Variants in ATP6V0A4 observed in about 807,000 individuals in gnomAD.
ATP6V0A4 encodes the protein V-type proton ATPase 116 kDa subunit a 4.
Under a neutral mutation model 107.3 loss-of-function variants are expected in ATP6V0A4, and 86 were observed. The ratio of observed to expected loss-of-function variants is 0.80; its 90% CI spans 0.67 to 0.96. ATP6V0A4 has a LOEUF of 0.96. Among genes scored for constraint, ATP6V0A4 ranks in the 40% least tolerant of loss-of-function variants. The pLI is 0.00. For missense variants in ATP6V0A4, 908 were observed against 1,045.6 expected, an observed-to-expected ratio of 0.87 and a Z score of 1.81; for synonymous variants, 353 against 381.4, an observed-to-expected ratio of 0.93 and a Z score of 0.87.
chr7:138,759,905 C>T, intron 7 of ATP6V0A4, 27 bp from the exon 8 acceptor site: 2 of 1,613,886 alleles, frequency 1.2e-6, no homozygotes, highest in African/African-American at 1.3e-5. Context: ...GAAGACATTC[C>T]TTAAGGCACA....
chr7:138,742,244 T>C (rs963937078), intron 14 of ATP6V0A4, among the ~76,000 whole-genome samples: 1 of 152,050 alleles, frequency 6.6e-6, no homozygotes, highest in Non-Finnish European at 1.5e-5. Context: ...CTGGCCAACA[T>C]GGTGAAACCC....
chr7:138,781,917 A>G (rs1003759435), intron 2 of ATP6V0A4, among the ~76,000 whole-genome samples: 9 of 149,592 alleles, frequency 6.0e-5, no homozygotes, highest in African/African-American at 2.0e-4. Flanking sequence ...GCCTCAAGCA[A>G]TTCTCCCACC....
At chr7:138,732,806 A>AT in intron 17 of ATP6V0A4, 71 bp downstream of exon 17, 2 of 1,403,330 alleles carry the variant, frequency 1.4e-6, no homozygotes, top group Non-Finnish European at 1.9e-6. Flanking sequence ...AAAAAAAAAA[A>AT]GAGTAGGAGA....
At chr7:138,757,449 G>A (rs540844498) in intron 8 of ATP6V0A4, among the ~76,000 whole-genome samples, 50 of 152,222 alleles carry the variant, frequency 3.3e-4, no homozygotes, top group African/African-American at 9.6e-4. Context: ...CCAGGAAGTC[G>A]AGGCTGCAGT....
At chr7:138,742,230 C>A (rs1240793069) in intron 14 of ATP6V0A4, among the ~76,000 whole-genome samples, 2 of 152,026 alleles carry the variant, frequency 1.3e-5, no homozygotes, top group African/African-American at 4.8e-5. Flanking sequence ...AGTTCAAGAC[C>A]AGCCTGGCCA....
rs116952948 is a variant in ATP6V0A4, at chr7:138,736,425, T to C, written c.1573-2171A>G. On this transcript the variant is annotated intron_variant, in intron 15 of 21. Coordinates refer to ENST00000310018, the MANE Select transcript of ATP6V0A4 (RefSeq NM_020632.3). Reference sequence around the variant, plus strand: ...CCTCAGGAAGATTAAGTTACTTACATACCTAGGAAGAAATAACATAAGAGG... The same window carrying C: ...CCTCAGGAAGATTAAGTTACTTACACACCTAGGAAGAAATAACATAAGAGG... Among the ~76,000 whole-genome samples, 14 of 152,270 alleles carry C rather than the reference T, an allele frequency of 9.2e-5. No homozygotes were observed. The East Asian group carries it at 2.3e-3, about 25-fold the overall frequency.
intron 6 of ATP6V0A4, 50 bp downstream of exon 6, chr7:138,762,850 T>C (rs748553221): frequency 4.1e-5 from 65 of 1,596,982 alleles, no homozygotes; most frequent in Non-Finnish European, 5.0e-5. Flanking sequence ...AAATGGAAAT[T>C]TGAGGTTCTG....
chr7:138,762,037 A>G (rs1208638461), intron 7 of ATP6V0A4, among the ~76,000 whole-genome samples: 3 of 152,158 alleles, frequency 2.0e-5, no homozygotes, highest in Non-Finnish European at 2.9e-5. Flanking sequence ...CCTTGTTCCA[A>G]CGCCAGGGAA....
At chr7:138,711,026 AG>A (rs770179719) in intron 20 of ATP6V0A4, among the ~76,000 whole-genome samples, 3 of 152,214 alleles carry the variant, frequency 2.0e-5, no homozygotes, top group Non-Finnish European at 4.4e-5. Flanking sequence ...CGAAAAGTTC[AG>A]GGGCAAATGC....
intron 9 of ATP6V0A4, 37 bp from the exon 10 acceptor site, chr7:138,755,819 C>T (rs1806486940): frequency 2.5e-6 from 4 of 1,606,580 alleles, no homozygotes; most frequent in Non-Finnish European, 3.4e-6. Context: ...CAGGTGAGTT[C>T]TTGCTGCAAA....
At chr7:138,729,149 A>G (rs1804862148) in intron 17 of ATP6V0A4, among the ~76,000 whole-genome samples, 1 of 152,190 alleles carries the variant, frequency 6.6e-6, no homozygotes, top group Admixed American at 6.5e-5. Context: ...TTTAAACAAG[A>G]AGTACGCATG....
chr7:138,716,022 A>T (rs1397668042), intron 19 of ATP6V0A4, 141 bp from the exon 20 acceptor site: 1 of 1,177,664 alleles, frequency 8.5e-7, no homozygotes, highest in Admixed American at 2.0e-5. Flanking sequence ...ATAGTAATAG[A>T]CTTAGAGAAA....
intron 8 of ATP6V0A4, among the ~76,000 whole-genome samples, chr7:138,757,638 C>T (rs777794341): frequency 5.3e-5 from 8 of 152,172 alleles, no homozygotes; most frequent in Non-Finnish European, 7.3e-5. Flanking sequence ...GGCCATTTGT[C>T]GGGACCTATC....
chr7:138,744,490 G>A (rs940558955), intron 14 of ATP6V0A4, among the ~76,000 whole-genome samples: 16 of 150,530 alleles, frequency 1.1e-4, no homozygotes, highest in East Asian at 4.0e-4. Flanking sequence ...CTCCCGCCTC[G>A]GCCTCCCAAA....
At chr7:138,768,660 G>T (rs1807212458) in intron 5 of ATP6V0A4, 120 bp downstream of exon 5, 1 of 1,260,310 alleles carries the variant, frequency 7.9e-7, no homozygotes, top group Non-Finnish European at 1.1e-6. Context: ...GACCATGCAG[G>T]CCTGCCTCCC....
At chr7:138,714,074 C>CA (rs1803894917) in intron 20 of ATP6V0A4, among the ~76,000 whole-genome samples, 2 of 129,436 alleles carry the variant, frequency 1.5e-5, no homozygotes, top group South Asian at 6.0e-4. Context: ...CCTACCTCTA[C>CA]CAAAAAAAAA....
At chr7:138,788,443 T>A (rs1808261670) in intron 1 of ATP6V0A4, among the ~76,000 whole-genome samples, 1 of 152,152 alleles carries the variant, frequency 6.6e-6, no homozygotes, top group African/African-American at 2.4e-5. Flanking sequence ...TGACAGTAAC[T>A]CACAAACTTT....
chr7:138,761,938 C>T (rs1244686270), intron 7 of ATP6V0A4, among the ~76,000 whole-genome samples: 3 of 152,132 alleles, frequency 2.0e-5, no homozygotes, highest in Non-Finnish European at 2.9e-5. Context: ...CCTCAGCCTC[C>T]CAAAGTACTG....
chr7:138,748,855 G>A (rs1584923281), intron 12 of ATP6V0A4, among the ~76,000 whole-genome samples: 1 of 152,178 alleles, frequency 6.6e-6, no homozygotes, highest in Non-Finnish European at 1.5e-5. Context: ...TTGTATTGGT[G>A]AAGGAAATGA....
Sources: gnomAD v4.1 joint callset for allele counts (sites outside exome capture counted in the v4.1 genomes callset) on GRCh38, gnomAD v4.1.1 for gene constraint, MANE v1.5 for transcripts, NCBI Gene and HGNC (gene_info 2026-07-23, HGNC 2026-07-21) for gene names.